Variants in VWA3B observed in about 807,000 individuals in gnomAD.
The protein encoded by VWA3B is von Willebrand factor A domain containing 3B, also known as von Willebrand factor A domain-containing protein 3B.
In VWA3B, 138 loss-of-function variants were observed where a neutral mutation model predicts 158.3. That is an observed-to-expected ratio of 0.87 (90% CI 0.76 to 1.00). VWA3B has a LOEUF of 1.00. VWA3B is among the 50% of genes least tolerant of loss of function. The pLI is 0.00. For missense variants in VWA3B, 1,555 were observed against 1,565.1 expected, an observed-to-expected ratio of 0.99 and a Z score of 0.11; for synonymous variants, 596 against 587.3, an observed-to-expected ratio of 1.01 and a Z score of -0.21.
intron 2 of VWA3B, 91 bp downstream of exon 2, chr2:98,093,379 G>A: frequency 7.3e-7 from 1 of 1,365,934 alleles, no homozygotes; most frequent in East Asian, 2.3e-5. Flanking sequence ...AAAAACCACA[G>A]GTCTCTGAGC....
chr2:98,319,920 A>C, the VWA3B span, among the ~76,000 whole-genome samples: 37 of 147,394 alleles, frequency 2.5e-4, no homozygotes, highest in Non-Finnish European at 4.6e-4. Flanking sequence ...TCACACAACA[A>C]AACAAAAAAA....
chr2:98,302,191 G>A (rs1690240250), intron 25 of VWA3B, among the ~76,000 whole-genome samples: 1 of 131,162 alleles, frequency 7.6e-6, no homozygotes, highest in African/African-American at 2.6e-5. Context: ...CCTCTTCCTG[G>A]ACTGCCCTCC....
chr2:98,109,991 C>T (rs1217489912), intron 2 of VWA3B, among the ~76,000 whole-genome samples: 1 of 151,630 alleles, frequency 6.6e-6, no homozygotes, highest in East Asian at 1.9e-4. Context: ...TTATTATCTT[C>T]GAATTTCACT....
chr2:98,115,804 A>G (rs2104937422), intron 3 of VWA3B, 58 bp downstream of exon 3: 1 of 1,406,894 alleles, frequency 7.1e-7, no homozygotes, highest in Non-Finnish European at 1.0e-6. Context: ...ATCACATCGG[A>G]GAGTGCAGTG....
chr2:98,100,309 G>C (rs1438053471), intron 2 of VWA3B, among the ~76,000 whole-genome samples: 1 of 152,186 alleles, frequency 6.6e-6, no homozygotes, highest in East Asian at 1.9e-4. Context: ...GCACTAGGGG[G>C]TGTCCTAAGC....
intron 12 of VWA3B, among the ~76,000 whole-genome samples, chr2:98,210,523 T>C (rs887849070): frequency 6.6e-6 from 1 of 152,182 alleles, no homozygotes; most frequent in African/African-American, 2.4e-5. Context: ...AAGTATCTAT[T>C]GAAATGAAAG....
Position 98,258,423 on chromosome 2 carries a change from T to A in VWA3B, c.2843+2249T>A, listed in dbSNP as rs531093074. Among the ~76,000 whole-genome samples the A allele has an allele frequency of 8.6e-5, 13 of 152,006 alleles. No homozygotes were observed. In the East Asian group the frequency reaches 2.3e-3, roughly 27 times the overall value. On this transcript the variant is annotated intron_variant, in intron 21 of 27. Coordinates refer to ENST00000477737, the MANE Select transcript of VWA3B (RefSeq NM_144992.5). ...TTGGAATTTTTGTAGGGATTATATTTAATCTAAAGATTGCTTTGAAGAGTA... is the reference window on the plus strand; with the variant it reads ...TTGGAATTTTTGTAGGGATTATATTAAATCTAAAGATTGCTTTGAAGAGTA...
chr2:98,133,869 A>G lies in VWA3B; in HGVS notation c.918A>G (p.Ala306=), dbSNP rs781698569. 25 of 1,614,032 alleles carry G rather than the reference A, an allele frequency of 1.5e-5. No individual in the cohort carries two copies. The highest frequency in any genetic ancestry group is 1.9e-5 in the Non-Finnish European group (23 of 1,180,030). Residue 306 remains alanine (A), a synonymous_variant, in exon 7 of 28, where the codon GCA becomes GCG. Transcript: ENST00000477737. ...GAACAGAGTGTGTAGAATTTCCTGC[A>G]TTCTCCACAAAGGATGGTGACAATG... is the stretch of plus-strand genomic sequence containing the variant. ...AERTECVEFP[A]FSTKDGDNVM... is the part of the protein sequence containing the mutation.
At chr2:98,116,937 A>G (rs1474116119) in intron 3 of VWA3B, among the ~76,000 whole-genome samples, 1 of 152,136 alleles carries the variant, frequency 6.6e-6, no homozygotes, top group Non-Finnish European at 1.5e-5. Flanking sequence ...TGGTATTATG[A>G]TATTTCTGTA....
rs143736542 is a variant in VWA3B, at chr2:98,207,262, T to A, written c.1738-4668T>A. On this transcript the variant is annotated intron_variant, in intron 12 of 27. Coordinates refer to ENST00000477737, the MANE Select transcript of VWA3B (RefSeq NM_144992.5). ...TGATGACTCGACTGCCTCTGCTACT[T>A]CCTTTGCTCATTTGGATGCCACCAC... The A allele has an allele frequency of 7.8e-4, 397 of 507,870 alleles. 5 individuals are homozygous for A. The East Asian group carries it at 0.019, about 24-fold the overall frequency. The allele number at this position is 507,870 out of a possible 1,614,324, so 31.5% of individuals were successfully genotyped here.
intron 23 of VWA3B, among the ~76,000 whole-genome samples, chr2:98,295,887 C>T (rs1689773897): frequency 6.6e-6 from 1 of 152,216 alleles, no homozygotes; most frequent in South Asian, 2.1e-4. Flanking sequence ...CCTACAGCTG[C>T]CCAGAGTGAG....
intron 16 of VWA3B, among the ~76,000 whole-genome samples, chr2:98,232,864 A>G (rs1045063274): frequency 6.6e-6 from 1 of 152,040 alleles, no homozygotes; most frequent in Non-Finnish European, 1.5e-5. Context: ...CCAGGATGTT[A>G]GATGTCTCTG....
At chr2:98,105,326 C>A (rs1683361581) in intron 2 of VWA3B, among the ~76,000 whole-genome samples, 1 of 152,080 alleles carries the variant, frequency 6.6e-6, no homozygotes, top group African/African-American at 2.4e-5. Flanking sequence ...TCCCATGTAC[C>A]TTTCACCCAG....
chr2:98,277,788 G>C (rs190721028), intron 22 of VWA3B, among the ~76,000 whole-genome samples: 11 of 152,298 alleles, frequency 7.2e-5, no homozygotes, highest in Non-Finnish European at 1.6e-4. Context: ...TTGCTGTTGA[G>C]AACATTCTGT....
intron 7 of VWA3B, among the ~76,000 whole-genome samples, chr2:98,151,839 A>C (rs767346253): frequency 4.7e-4 from 72 of 152,184 alleles, no homozygotes; most frequent in Non-Finnish European, 6.6e-4. Context: ...CACAAAATTG[A>C]CATTCCATTA....
intron 22 of VWA3B, among the ~76,000 whole-genome samples, chr2:98,286,215 A>G (rs902535885): frequency 2.6e-5 from 4 of 152,108 alleles, no homozygotes; most frequent in African/African-American, 9.7e-5. Context: ...CATGTCATTT[A>G]TGAATAAAGA....
At chr2:98,195,650 T>C (rs536152373) in intron 12 of VWA3B, among the ~76,000 whole-genome samples, 3 of 152,138 alleles carry the variant, frequency 2.0e-5, no homozygotes, top group Non-Finnish European at 4.4e-5. Flanking sequence ...AGCCTACTAA[T>C]TTAGGGTTTA....
At chr2:98,244,327 A>G (rs1258161460) in intron 19 of VWA3B, among the ~76,000 whole-genome samples, 1 of 152,182 alleles carries the variant, frequency 6.6e-6, no homozygotes, top group Admixed American at 6.5e-5. Context: ...TAGAACAGTT[A>G]ACAGTAAAAA....
the VWA3B span, among the ~76,000 whole-genome samples, chr2:98,321,075 G>C: frequency 6.6e-6 from 1 of 152,214 alleles, no homozygotes; most frequent in Non-Finnish European, 1.5e-5. Flanking sequence ...TCAGCCATGA[G>C]GTCAGTGTAC....
Sources: gnomAD v4.1 joint callset for allele counts (sites outside exome capture counted in the v4.1 genomes callset) on GRCh38, gnomAD v4.1.1 for gene constraint, MANE v1.5 for transcripts, NCBI Gene and HGNC (gene_info 2026-07-23, HGNC 2026-07-21) for gene names.